ARL8B: variants seen among roughly 807,000 people sequenced by gnomAD.
The protein encoded by ARL8B is ARF like GTPase 8B.
In ARL8B, 9 loss-of-function variants were observed where a neutral mutation model predicts 30.6. The ratio of observed to expected loss-of-function variants is 0.29; its 90% CI spans 0.18 to 0.51. The LOEUF (loss-of-function observed/expected upper bound fraction) is 0.51. Among genes scored for constraint, ARL8B ranks in the 20% least tolerant of loss-of-function variants. ARL8B has a pLI of 0.97. For synonymous variants in ARL8B, 74 were observed against 76.0 expected (o/e 0.97, Z 0.14); for missense variants, 130 against 227.2 (o/e 0.57, Z 2.75).
chr3:5,162,525 T>A (rs1222279012), intron 1 of ARL8B, among the ~76,000 whole-genome samples: 1 of 152,194 alleles, frequency 6.6e-6, no homozygotes, highest in Non-Finnish European at 1.5e-5. Context: ...GAAAAATAAT[T>A]TCTGAGTTTT....
At chr3:5,161,145 A>G (rs1419309807) in intron 1 of ARL8B, among the ~76,000 whole-genome samples, 2 of 152,200 alleles carry the variant, frequency 1.3e-5, no homozygotes, top group East Asian at 1.9e-4. Flanking sequence ...GTTTCAAGCA[A>G]TCCACCCACT....
At chr3:5,160,089 A>G (rs1488224272) in intron 1 of ARL8B, among the ~76,000 whole-genome samples, 1 of 152,210 alleles carries the variant, frequency 6.6e-6, no homozygotes, top group Non-Finnish European at 1.5e-5. Flanking sequence ...TTATATAAAA[A>G]TGCAGGTGTT....
chr3:5,122,366 A>G lies in ARL8B; in HGVS notation c.-100A>G, dbSNP rs779282217. The G allele has an allele frequency of 7.6e-6, 12 of 1,573,284 alleles. No homozygotes were observed. Among genetic ancestry groups the G allele is most frequent in the East Asian group, 7.1e-5 (3 of 42,358 alleles). Reference sequence around the variant, plus strand: ...CCGCCCGTGTCGCGCCGGGGCACCAAGGAGCCGTTGGAGGGTCCGGGCGGA... The same window carrying G: ...CCGCCCGTGTCGCGCCGGGGCACCAGGGAGCCGTTGGAGGGTCCGGGCGGA... On this transcript the variant is annotated 5_prime_UTR_variant, in exon 1 of 7. Transcript: ENST00000256496.
chr3:5,136,901 C>G (rs1263964091), intron 1 of ARL8B, among the ~76,000 whole-genome samples: 1 of 152,146 alleles, frequency 6.6e-6, no homozygotes, highest in Non-Finnish European at 1.5e-5. Flanking sequence ...TGCCCTAACT[C>G]GTCTCCTCAC....
At chr3:5,125,104 C>A (rs74985887) in intron 1 of ARL8B, among the ~76,000 whole-genome samples, 4,062 of 152,218 alleles carry the variant, frequency 0.027, 164 homozygotes, top group African/African-American at 0.092. Context: ...CTGGCTCTGC[C>A]GCTTAGCAGC....
intron 1 of ARL8B, among the ~76,000 whole-genome samples, chr3:5,167,550 T>C (rs1553583083): frequency 1.3e-5 from 2 of 152,196 alleles, no homozygotes; most frequent in Non-Finnish European, 1.5e-5. Flanking sequence ...ATTTTTCTAC[T>C]CTTTCCCCCC....
intron 4 of ARL8B, 29 bp downstream of exon 4, chr3:5,172,769 T>C (rs1199188241): frequency 4.7e-6 from 6 of 1,288,358 alleles, no homozygotes; most frequent in Non-Finnish European, 6.7e-6. Context: ...TTATTTTACA[T>C]TGTAATTATA....
chr3:5,176,480 C>T (rs1284821628), intron 6 of ARL8B, among the ~76,000 whole-genome samples: 7 of 152,194 alleles, frequency 4.6e-5, no homozygotes, highest in African/African-American at 1.7e-4. Flanking sequence ...ATGCACCTGC[C>T]TCAGCCTCCC....
intron 1 of ARL8B, among the ~76,000 whole-genome samples, chr3:5,169,050 G>T (rs2054647353): frequency 1.3e-5 from 2 of 152,088 alleles, no homozygotes; most frequent in Non-Finnish European, 2.9e-5. Flanking sequence ...AATGATAATT[G>T]TCCCTCCCTG....
chr3:5,132,299 G>A (rs538878813), intron 1 of ARL8B, among the ~76,000 whole-genome samples: 2 of 152,024 alleles, frequency 1.3e-5, no homozygotes, highest in South Asian at 2.1e-4. Context: ...CTGTCTCCCA[G>A]GCTGGAGTGC....
At chr3:5,156,562 C>T (rs141741505) in intron 1 of ARL8B, among the ~76,000 whole-genome samples, 10,225 of 152,246 alleles carry the variant, frequency 0.067, 398 homozygotes, top group East Asian at 0.13. Flanking sequence ...ATTACAGGCA[C>T]ACACCACCAT....
chr3:5,122,346 C>T lies in ARL8B; in HGVS notation c.-120C>T, dbSNP rs751403663. 5.6e-5 allele frequency: 87 copies of T among 1,547,758 alleles called. No homozygotes were observed. The Middle Eastern group carries it at 6.9e-4, about 12-fold the overall frequency. Reference sequence around the variant, plus strand: ...CTGCTGCCGCCCGCCGGTGTCCGCCCGTGTCGCGCCGGGGCACCAAGGAGC... The same window carrying T: ...CTGCTGCCGCCCGCCGGTGTCCGCCTGTGTCGCGCCGGGGCACCAAGGAGC... On this transcript the variant is annotated 5_prime_UTR_variant, in exon 1 of 7. Transcript: ENST00000256496.
At position 5,122,458 on chromosome 3, in the gene ARL8B, C is replaced by A; in HGVS notation, c.-8C>A. 6.2e-7 allele frequency: 1 copy of A among 1,612,720 alleles called. No individual in the cohort carries two copies. The highest frequency in any genetic ancestry group is 8.5e-7 in the Non-Finnish European group (1 of 1,179,624). ...TCCTCCCGTCCGTTCTCGCTCCCGG[C>A]CGCCATCATGCTGGCGCTCATCTCC... is the stretch of plus-strand genomic sequence containing the variant. On this transcript the variant is annotated 5_prime_UTR_variant, in exon 1 of 7. Coordinates refer to ENST00000256496, the MANE Select transcript of ARL8B (RefSeq NM_018184.3).
chr3:5,133,113 T>G (rs577211733), intron 1 of ARL8B, among the ~76,000 whole-genome samples: 1 of 152,252 alleles, frequency 6.6e-6, no homozygotes, highest in South Asian at 2.1e-4. Flanking sequence ...AAAAAGATAT[T>G]CAAGCAGGAA....
intron 1 of ARL8B, chr3:5,128,481 AT>A (rs1219892184): frequency 2.2e-6 from 1 of 455,206 alleles, no homozygotes; most frequent in Admixed American, 2.4e-5. Context: ...TGAAAGCCAA[AT>A]GTTCTCATTA....
intron 4 of ARL8B, 141 bp from the exon 5 acceptor site, chr3:5,173,876 A>C: frequency 1.4e-6 from 1 of 719,498 alleles, no homozygotes; most frequent in East Asian, 2.5e-5. Flanking sequence ...TGAATGAGAC[A>C]AGCCACCAGT....
At chr3:5,166,228 C>T (rs577857178) in intron 1 of ARL8B, among the ~76,000 whole-genome samples, 7 of 151,942 alleles carry the variant, frequency 4.6e-5, no homozygotes, top group East Asian at 1.9e-4. Context: ...TTAGTACAGA[C>T]GGGGTTTCAC....
chr3:5,150,249 G>A (rs934823748), intron 1 of ARL8B, among the ~76,000 whole-genome samples: 8 of 151,966 alleles, frequency 5.3e-5, no homozygotes, highest in African/African-American at 1.9e-4. Flanking sequence ...GATCACCTGA[G>A]GTTGAGAGTT....
intron 1 of ARL8B, among the ~76,000 whole-genome samples, chr3:5,147,238 C>G (rs142765447): frequency 6.6e-6 from 1 of 152,130 alleles, no homozygotes; most frequent in Non-Finnish European, 1.5e-5. Context: ...TCTCATTGTT[C>G]AGTTCCCACC....
Sources: allele counts gnomAD v4.1 joint callset (sites outside exome capture counted in the v4.1 genomes callset), GRCh38; gene constraint gnomAD v4.1.1; transcripts MANE v1.5; gene names NCBI Gene and HGNC (gene_info 2026-07-23, HGNC 2026-07-21).